The following NOL4 variants were observed in gnomAD, a reference collection of about 807,000 sequenced individuals.
The protein encoded by NOL4 is nucleolar protein 4.
A neutral mutation model predicts 75.9 loss-of-function variants in NOL4; 17 were observed. The observed-to-expected ratio is 0.22, with a 90% CI of 0.15 to 0.34. The LOEUF is 0.34. NOL4 is among the 10% of genes least tolerant of loss of function. The probability of loss-of-function intolerance (pLI) is 1.00; values close to 1 mark genes in which losing one functional copy is unlikely to be tolerated. For missense variants in NOL4, 614 were observed against 793.5 expected (o/e 0.77, Z 2.72); for synonymous variants, 292 against 289.9 (o/e 1.01, Z -0.07).
At chr18:34,191,801 T>C (rs1160626554) in intron 1 of NOL4, among the ~76,000 whole-genome samples, 3 of 152,138 alleles carry the variant, frequency 2.0e-5, no homozygotes, top group African/African-American at 7.2e-5. Context: ...GGAAGCCGAC[T>C]ACGCCAGCAG....
intron 1 of NOL4, among the ~76,000 whole-genome samples, chr18:34,216,964 T>C (rs371561548): frequency 3.3e-5 from 5 of 152,254 alleles, no homozygotes; most frequent in Non-Finnish European, 5.9e-5. Context: ...ATCATCATCC[T>C]AGTTTTAGAA....
At chr18:34,160,983 C>T (rs555833410) in intron 1 of NOL4, among the ~76,000 whole-genome samples, 80 of 152,268 alleles carry the variant, frequency 5.3e-4, no homozygotes, top group African/African-American at 1.7e-3. Flanking sequence ...TCCCCTTCAC[C>T]CTTTCATCCT....
intron 1 of NOL4, among the ~76,000 whole-genome samples, chr18:34,187,221 G>A (rs910753157): frequency 6.6e-6 from 1 of 151,948 alleles, no homozygotes; most frequent in African/African-American, 2.4e-5. Flanking sequence ...AACAACCACT[G>A]ATACTTTTTC....
At chr18:34,024,456 G>C (rs575961861) in intron 5 of NOL4, among the ~76,000 whole-genome samples, 223 of 151,046 alleles carry the variant, frequency 1.5e-3, no homozygotes, top group Non-Finnish European at 2.8e-3. Flanking sequence ...ATCCAAAAAA[G>C]AAAAAAAATT....
chr18:33,895,667 T>C (rs1045236579), intron 9 of NOL4, among the ~76,000 whole-genome samples: 3 of 151,926 alleles, frequency 2.0e-5, no homozygotes, highest in Non-Finnish European at 4.4e-5. Flanking sequence ...AGAAAAAAAA[T>C]AGCCATCTAT....
At chr18:33,943,215 T>C in intron 8 of NOL4, 37 bp from the exon 9 acceptor site, 3 of 1,437,670 alleles carry the variant, frequency 2.1e-6, no homozygotes, top group Non-Finnish European at 1.9e-6. Flanking sequence ...AAAAAATTAT[T>C]AACAGTATCA....
intron 9 of NOL4, among the ~76,000 whole-genome samples, chr18:33,932,905 TG>T (rs2067797285): frequency 6.6e-6 from 1 of 152,086 alleles, no homozygotes; most frequent in African/African-American, 2.4e-5. Flanking sequence ...GTTTCTGCTG[TG>T]CTGTTATTGA....
At position 34,205,751 on chromosome 18, in the gene NOL4, C is replaced by T. The variant is rs560229899; in HGVS notation, c.264+17239G>A. 5.9e-4 allele frequency among the ~76,000 whole-genome samples: 89 copies of T among 152,132 alleles called. No individual in the cohort carries two copies. The South Asian group carries it at 0.017, about 30-fold the overall frequency. On this transcript the variant is annotated intron_variant, in intron 1 of 10. Coordinates refer to ENST00000261592, the MANE Select transcript of NOL4 (RefSeq NM_003787.5). ...TTAGCAGATAACCAAGACCCTATCC[C>T]CTCCTCACTCTGGGAATATGACCCT...
intron 2 of NOL4, among the ~76,000 whole-genome samples, chr18:34,106,835 C>A (rs2079308957): frequency 6.6e-6 from 1 of 151,798 alleles, no homozygotes; most frequent in African/African-American, 2.4e-5. Context: ...ATATTTTATA[C>A]TAATTCAGAA....
At chr18:34,123,141 A>T (rs1214695005) in intron 2 of NOL4, among the ~76,000 whole-genome samples, 1 of 146,722 alleles carries the variant, frequency 6.8e-6, no homozygotes. Context: ...TTTTGTCTCC[A>T]CTACCAAGAA....
chr18:34,162,831 A>G (rs1477371689), intron 1 of NOL4, among the ~76,000 whole-genome samples: 1 of 152,244 alleles, frequency 6.6e-6, no homozygotes, highest in African/African-American at 2.4e-5. Flanking sequence ...CATTGATGCA[A>G]AAATCCTCAG....
chr18:34,064,948 CACACAT>C (rs1401069318), intron 5 of NOL4, among the ~76,000 whole-genome samples: 1 of 59,264 alleles, frequency 1.7e-5, no homozygotes, highest in East Asian at 8.8e-4. Context: ...CACACACACA[CACACAT>C]CATATGTGTC....
chr18:33,952,319 T>C (rs1443087448), intron 8 of NOL4, among the ~76,000 whole-genome samples: 1 of 152,174 alleles, frequency 6.6e-6, no homozygotes, highest in East Asian at 1.9e-4. Context: ...TGAGCAAAGG[T>C]ACCCATAATT....
At chr18:33,891,745 G>T (rs974767847) in intron 9 of NOL4, among the ~76,000 whole-genome samples, 3 of 152,138 alleles carry the variant, frequency 2.0e-5, no homozygotes, top group Non-Finnish European at 4.4e-5. Context: ...TCTCTTGTAT[G>T]GTAGAATCAA....
intron 5 of NOL4, among the ~76,000 whole-genome samples, chr18:34,087,738 G>A (rs943727313): frequency 1.3e-4 from 20 of 151,720 alleles, no homozygotes; most frequent in African/African-American, 4.8e-4. Flanking sequence ...TCTCTGAATG[G>A]TACATTTGCC....
Position 33,989,188 on chromosome 18 carries a change from TAC to T in NOL4, c.1056+30128_1056+30129del, listed in dbSNP as rs1277932785. Among the ~76,000 whole-genome samples the T allele has an allele frequency of 1.3e-4, 4 of 29,836 alleles. No homozygotes were observed. The East Asian group carries it at 4.4e-3, about 33-fold the overall frequency. 19.6% of individuals were successfully genotyped at this position (29,836 alleles called of 152,430 possible). Reference sequence around the variant, plus strand: ...AGGTGACAGAGTGAGACCCCATCTCTACAAAAAAAAAAAAAAAAAAAAAAAAA... The same window carrying T: ...AGGTGACAGAGTGAGACCCCATCTCTAAAAAAAAAAAAAAAAAAAAAAAAA... On this transcript the variant is annotated intron_variant, in intron 6 of 10. Transcript: ENST00000261592.
chr18:33,870,448 ATATAT>A (rs1472820185), intron 10 of NOL4, among the ~76,000 whole-genome samples: 15 of 152,166 alleles, frequency 9.9e-5, no homozygotes, highest in Admixed American at 7.9e-4. Context: ...GTTAATGCTG[ATATAT>A]TATATTCCTG....
At chr18:33,945,549 A>G (rs1238456416) in intron 8 of NOL4, among the ~76,000 whole-genome samples, 1 of 151,742 alleles carries the variant, frequency 6.6e-6, no homozygotes, top group Non-Finnish European at 1.5e-5. Context: ...AAAAGATGAA[A>G]GGGAGAGTTG....
At chr18:33,902,596 T>C (rs1568035908) in intron 9 of NOL4, among the ~76,000 whole-genome samples, 1 of 152,170 alleles carries the variant, frequency 6.6e-6, no homozygotes, top group Non-Finnish European at 1.5e-5. Flanking sequence ...GAGTCATGCA[T>C]TTCCATGACA....
Sources: gnomAD v4.1 joint callset for allele counts (sites outside exome capture counted in the v4.1 genomes callset) on GRCh38, gnomAD v4.1.1 for gene constraint, MANE v1.5 for transcripts, NCBI Gene and HGNC (gene_info 2026-07-23, HGNC 2026-07-21) for gene names.